LMO7: variants seen among roughly 807,000 people sequenced by gnomAD.
The protein encoded by LMO7 is LIM domain 7, also known as LIM domain only protein 7.
In LMO7, 120 loss-of-function variants were observed where a neutral mutation model predicts 206.5. That is an observed-to-expected ratio of 0.58 (90% CI 0.50 to 0.68). The LOEUF (loss-of-function observed/expected upper bound fraction) is 0.68, where lower values mean the gene tolerates loss of function less well. LMO7 is among the 30% of genes least tolerant of loss of function. The pLI is 0.00. For missense variants in LMO7, 1,959 were observed against 1,957.9 expected, an observed-to-expected ratio of 1.00 and a Z score of -0.01; for synonymous variants, 706 against 681.5, an observed-to-expected ratio of 1.04 and a Z score of -0.56.
chr13:75,681,718 G>GTATATGTATATATATATATA lies in LMO7; in HGVS notation c.70-31459_70-31458insGTATATATATATATATATAT, dbSNP rs1555293392. Among the ~76,000 whole-genome samples the GTATATGTATATATATATATA allele has an allele frequency of 8.6e-5, 9 of 104,560 alleles. No individual in the cohort carries two copies. In the East Asian group the frequency reaches 1.9e-3, roughly 22 times the overall value. The allele number at this position is 104,560 out of a possible 152,430, so 68.6% of individuals were successfully genotyped here. ...TATGTATGTATGTGTATATATATAT[G>GTATATGTATATATATATATA]TATATATATATATATATATATATAT... On this transcript the variant is annotated intron_variant, in intron 1 of 30. Coordinates refer to ENST00000377534, the MANE Select transcript of LMO7 (RefSeq NM_001306080.2).
chr13:75,696,816 G>A (rs900155654), intron 1 of LMO7, among the ~76,000 whole-genome samples: 1 of 152,144 alleles, frequency 6.6e-6, no homozygotes, highest in African/African-American at 2.4e-5. Flanking sequence ...GCCTGCAGGG[G>A]CCAGACAGGT....
At position 75,800,820 on chromosome 13, in the gene LMO7, C is replaced by T; in HGVS notation, c.599C>T (p.Ser200Phe). ...GAAGATTCCTTTGAAAGCTTGGACTCTTTGGGCTCGAGGTCATTGACAAGC... is the reference window on the plus strand; with the variant it reads ...GAAGATTCCTTTGAAAGCTTGGACTTTTTGGGCTCGAGGTCATTGACAAGC... ...KREDSFESLDSLGSRSLTSCS... is the reference protein window; with the variant it reads ...KREDSFESLDFLGSRSLTSCS... The change falls in exon 7 of 31, where the codon TCT (serine) becomes TTT (phenylalanine). Residue 200 changes from serine (S) to phenylalanine (F), a missense_variant. Ser to Phe is a radical substitution (Grantham distance 155). Coordinates refer to ENST00000377534, the MANE Select transcript of LMO7 (RefSeq NM_001306080.2). 1.2e-6 allele frequency: 2 copies of T among 1,614,064 alleles called. No individual in the cohort carries two copies. The highest frequency in any genetic ancestry group is 1.7e-6 in the Non-Finnish European group (2 of 1,180,008).
intron 16 of LMO7, 81 bp from the exon 17 acceptor site, chr13:75,834,145 T>G: frequency 2.8e-6 from 3 of 1,054,540 alleles, no homozygotes; most frequent in Non-Finnish European, 4.0e-6. Flanking sequence ...TTCAGAGTCA[T>G]TTTTCTTAAG....
chr13:75,774,559 A>T (rs930962947), intron 4 of LMO7, among the ~76,000 whole-genome samples: 1 of 152,170 alleles, frequency 6.6e-6, no homozygotes, highest in Non-Finnish European at 1.5e-5. Flanking sequence ...CATTCTACTT[A>T]GTGCATAGTG....
intron 1 of LMO7, among the ~76,000 whole-genome samples, chr13:75,693,420 T>G (rs1020824270): frequency 6.6e-6 from 1 of 152,174 alleles, no homozygotes; most frequent in Non-Finnish European, 1.5e-5. Context: ...ATATCAGCTG[T>G]GTGGATCTCC....
At position 75,805,722 on chromosome 13, in the gene LMO7, A is replaced by G; in HGVS notation, c.1158A>G (p.Glu386=). 6.2e-7 allele frequency: 1 copy of G among 1,614,020 alleles called. No individual in the cohort carries two copies. Among genetic ancestry groups the G allele is most frequent in the Non-Finnish European group, 8.5e-7 (1 of 1,179,888 alleles). ...TGAACTGGAAAAGAATAAAAAGGGA[A>G]ACTTATAAGCCATGGTATAAAGAAT... ...EDVNWKRIKR[E]TYKPWYKEFQ... is the part of the protein sequence containing the mutation. Residue 386 remains glutamate, a synonymous_variant, in exon 9 of 31, where the codon GAA becomes GAG. Coordinates refer to ENST00000377534, the MANE Select transcript of LMO7 (RefSeq NM_001306080.2).
At chr13:75,827,010 C>G in intron 15 of LMO7, among the ~76,000 whole-genome samples, 1 of 152,096 alleles carries the variant, frequency 6.6e-6, no homozygotes, top group East Asian at 1.9e-4. Flanking sequence ...CAGGAGGACC[C>G]CTTCGTTCAT....
rs1040816003 is a variant in LMO7, at chr13:75,751,025, T to C, written c.211-9907T>C. ...TTGCTAACATTTTTGGCACTGTCAA[T>C]TGCAGGGTTAGAGGAGGCAGGGACT... On this transcript the variant is annotated intron_variant, in intron 3 of 30. Transcript: ENST00000377534. 3.3e-5 allele frequency among the ~76,000 whole-genome samples: 5 copies of C among 152,192 alleles called. 1 individual carries two copies. The Middle Eastern group carries it at 0.01, about 311-fold the overall frequency.
At chr13:75,817,317 G>C in intron 12 of LMO7, 39 bp downstream of exon 12, 1 of 1,328,672 alleles carries the variant, frequency 7.5e-7, no homozygotes, top group Non-Finnish European at 1.1e-6. Context: ...GAGTGTATTT[G>C]TCTAACTTTT....
At chr13:75,705,107 A>C (rs1268226153) in intron 1 of LMO7, among the ~76,000 whole-genome samples, 2 of 152,104 alleles carry the variant, frequency 1.3e-5, no homozygotes, top group Non-Finnish European at 2.9e-5. Flanking sequence ...CGCCCTTCAT[A>C]TGCTCGGGTA....
intron 1 of LMO7, among the ~76,000 whole-genome samples, chr13:75,664,508 G>C (rs1026728715): frequency 6.6e-6 from 1 of 151,918 alleles, no homozygotes; most frequent in Admixed American, 6.6e-5. Context: ...ATCTCTTTTC[G>C]ATATCCTGAT....
intron 2 of LMO7, among the ~76,000 whole-genome samples, chr13:75,717,164 C>T (rs1013576032): frequency 3.9e-5 from 6 of 151,930 alleles, no homozygotes; most frequent in African/African-American, 1.5e-4. Context: ...GAGATCGAGA[C>T]CATCCTGGCT....
intron 19 of LMO7, among the ~76,000 whole-genome samples, chr13:75,837,040 TC>T (rs967996703): frequency 1.3e-5 from 2 of 152,146 alleles, no homozygotes; most frequent in Non-Finnish European, 2.9e-5. Flanking sequence ...TAAGAATAGA[TC>T]CGGTCATGTA....
At chr13:75,856,483 G>A (rs753514654) in intron 29 of LMO7, 23 bp from the exon 30 acceptor site, 4 of 1,463,800 alleles carry the variant, frequency 2.7e-6, no homozygotes, top group Non-Finnish European at 3.8e-6. Context: ...GATTGTAGAT[G>A]TTCTTTTTTT....
intron 4 of LMO7, among the ~76,000 whole-genome samples, chr13:75,785,221 A>C (rs2052227678): frequency 6.6e-6 from 1 of 152,162 alleles, no homozygotes; most frequent in African/African-American, 2.4e-5. Flanking sequence ...AGAAAGAAGT[A>C]ATTTATTTTA....
At chr13:75,649,330 A>G (rs1435668623) in intron 1 of LMO7, among the ~76,000 whole-genome samples, 2 of 152,210 alleles carry the variant, frequency 1.3e-5, no homozygotes, top group Non-Finnish European at 2.9e-5. Flanking sequence ...GGAGGACAGG[A>G]AGAGAAAGGG....
chr13:75,623,190 C>A, intron 1 of LMO7: 1 of 709,178 alleles, frequency 1.4e-6, no homozygotes, highest in South Asian at 1.6e-5. Flanking sequence ...TTTGTTGTTG[C>A]TCAATAAATA....
intron 26 of LMO7, among the ~76,000 whole-genome samples, chr13:75,846,623 G>A (rs1284919610): frequency 6.6e-6 from 1 of 152,160 alleles, no homozygotes; most frequent in East Asian, 1.9e-4. Context: ...AACTGCAACT[G>A]TGAATCTCCG....
chr13:75,848,737 T>G (rs1249883962), intron 26 of LMO7, among the ~76,000 whole-genome samples: 1 of 152,230 alleles, frequency 6.6e-6, no homozygotes, highest in Admixed American at 6.5e-5. Flanking sequence ...AGTATCTTTT[T>G]CATATAATGA....
Sources: gnomAD v4.1 joint callset for allele counts (sites outside exome capture counted in the v4.1 genomes callset) on GRCh38, gnomAD v4.1.1 for gene constraint, MANE v1.5 for transcripts, NCBI Gene and HGNC (gene_info 2026-07-23, HGNC 2026-07-21) for gene names.